Variants in LRBA observed in about 807,000 individuals in gnomAD.
LRBA encodes lipopolysaccharide-responsive and beige-like anchor protein.
A neutral mutation model predicts 330.0 loss-of-function variants in LRBA; 176 were observed. That is an observed-to-expected ratio of 0.53 (90% CI 0.47 to 0.60). LRBA has a LOEUF of 0.60. Ranked by LOEUF, LRBA falls within the 20% of genes least tolerant of loss-of-function variation. The pLI is 0.00. For synonymous variants in LRBA, 1,230 were observed against 1,193.0 expected (o/e 1.03, Z -0.64); for missense variants, 3,259 against 3,444.8 (o/e 0.95, Z 1.35).
intron 34 of LRBA, among the ~76,000 whole-genome samples, chr4:150,775,703 T>A (rs915499263): frequency 6.6e-6 from 1 of 150,868 alleles, no homozygotes; most frequent in South Asian, 2.1e-4. Flanking sequence ...TTCCAATGCG[T>A]TTTATGATTA....
chr4:150,785,100 G>T (rs1040027089), intron 34 of LRBA, among the ~76,000 whole-genome samples: 2 of 152,138 alleles, frequency 1.3e-5, no homozygotes, highest in Admixed American at 6.5e-5. Flanking sequence ...AAACCTGGGG[G>T]TTTGTTTTTC....
intron 37 of LRBA, among the ~76,000 whole-genome samples, chr4:150,629,602 G>C (rs1777179255): frequency 6.6e-6 from 1 of 151,754 alleles, no homozygotes; most frequent in African/African-American, 2.4e-5. Flanking sequence ...TCACACTACT[G>C]TACTACAGCC....
Position 150,583,554 on chromosome 4 carries a change from G to C in LRBA, c.6330+4494C>G. ...TGGTGCAAATCACTCCGGCGTTCAA[G>C]TGCACCGGGATCTGGCCTCGCAGCG... On this transcript the variant is annotated intron_variant, in intron 40 of 56. Transcript: ENST00000651943. The surrounding 1 kb of genome is among the most constrained non-coding windows in gnomAD (Gnocchi z 9.8). 2 of 1,613,880 alleles carry C rather than the reference G, an allele frequency of 1.2e-6. No homozygotes were observed. Among genetic ancestry groups the C allele is most frequent in the Admixed American group, 1.7e-5 (1 of 60,030 alleles).
chr4:150,275,413 A>C (rs1159081621), intron 56 of LRBA, among the ~76,000 whole-genome samples: 1 of 152,190 alleles, frequency 6.6e-6, no homozygotes, highest in Non-Finnish European at 1.5e-5. Context: ...TCAACATAGT[A>C]TTGGAAGTTC....
At chr4:150,454,186 C>T (rs563438372) in intron 44 of LRBA, among the ~76,000 whole-genome samples, 1 of 152,218 alleles carries the variant, frequency 6.6e-6, no homozygotes, top group South Asian at 2.1e-4. Context: ...GTCTTGATCT[C>T]CTGACCTCAT....
intron 40 of LRBA, among the ~76,000 whole-genome samples, chr4:150,573,629 T>C (rs1361851460): frequency 6.6e-6 from 1 of 152,176 alleles, no homozygotes; most frequent in African/African-American, 2.4e-5. Context: ...ATCCACAAGC[T>C]TAGACAAACA....
chr4:150,822,089 G>GA (rs149526416), intron 30 of LRBA, among the ~76,000 whole-genome samples: 11,813 of 149,612 alleles, frequency 0.079, 909 homozygotes, highest in African/African-American at 0.21. Flanking sequence ...CTCTAAATAA[G>GA]AAAAAAAAAG....
rs534712954 is a variant in LRBA at position 150,540,636 on chromosome 4, T to C, written c.6330+47412A>G. ...TTTATAATACATTCCTTAATAACAA[T>C]AGCAACTTATACTTTCTTAAAAGTG... On this transcript the variant is annotated intron_variant, in intron 40 of 56. Transcript: ENST00000651943. Among the ~76,000 whole-genome samples the C allele has an allele frequency of 5.3e-5, 8 of 152,334 alleles. No individual in the cohort carries two copies. In the South Asian group the frequency reaches 6.2e-4, roughly 12 times the overall value.
intron 48 of LRBA, among the ~76,000 whole-genome samples, chr4:150,343,015 AAC>A (rs1317596125): frequency 6.6e-6 from 1 of 151,878 alleles, no homozygotes; most frequent in African/African-American, 2.4e-5. Context: ...ACCTTAGAGA[AAC>A]AAGATTCTGA....
chr4:150,703,374 T>C (rs1785300012), intron 36 of LRBA, among the ~76,000 whole-genome samples: 1 of 152,218 alleles, frequency 6.6e-6, no homozygotes, highest in South Asian at 2.1e-4. Flanking sequence ...CTCAAATTTA[T>C]GTTAGCTGGA....
rs148321238 is a variant in LRBA, at chr4:150,882,911, T to C, written c.2165+10141A>G. ...AGCTAATGTTTAAATGATTTCATGG[T>C]AGAGAAAAATTTATATTAAATAACT... is the stretch of plus-strand genomic sequence containing the variant. On this transcript the variant is annotated intron_variant, in intron 17 of 56. Coordinates refer to ENST00000651943, the MANE Select transcript of LRBA (RefSeq NM_001364905.1). 8.3e-3 allele frequency among the ~76,000 whole-genome samples: 1,258 copies of C among 152,282 alleles called. 53 individuals carry two copies. The highest frequency in any genetic ancestry group is 0.066 in the Admixed American group (1,016 of 15,298).
At chr4:150,830,485 C>A (rs910659022) in intron 29 of LRBA, among the ~76,000 whole-genome samples, 2 of 152,180 alleles carry the variant, frequency 1.3e-5, no homozygotes, top group Non-Finnish European at 2.9e-5. Flanking sequence ...TCAGTCTCAG[C>A]TCTTGGAGCC....
At position 150,438,342 on chromosome 4, in the gene LRBA, G is replaced by A. The variant is rs571494405; in HGVS notation, c.6781-1478C>T. On this transcript the variant is annotated intron_variant, in intron 44 of 56. Transcript: ENST00000651943. ...ACAAAAAAATTTAAAAATCGGCTGC[G>A]CATAGTGGCATGTCCCTGTAATCCC... Among the ~76,000 whole-genome samples the A allele has an allele frequency of 8.5e-5, 13 of 152,080 alleles. No homozygotes were observed. In the East Asian group the frequency reaches 9.7e-4, roughly 11 times the overall value.
chr4:150,615,427 G>T (rs1435095027), intron 37 of LRBA, among the ~76,000 whole-genome samples: 1 of 151,948 alleles, frequency 6.6e-6, no homozygotes, highest in Admixed American at 6.6e-5. Flanking sequence ...CCAGGAGAGA[G>T]AGACGATGTC....
intron 36 of LRBA, among the ~76,000 whole-genome samples, chr4:150,689,783 G>A (rs987048174): frequency 5.3e-5 from 8 of 152,032 alleles, no homozygotes; most frequent in East Asian, 1.9e-4. Context: ...AAATTAGCCC[G>A]GTGTGGTGGC....
intron 47 of LRBA, among the ~76,000 whole-genome samples, chr4:150,401,878 T>C (rs1180196608): frequency 6.6e-6 from 1 of 151,506 alleles, no homozygotes; most frequent in Non-Finnish European, 1.5e-5. Flanking sequence ...TGTGAGTATA[T>C]ATACATATAC....
chr4:150,933,945 G>A (rs576772572), intron 2 of LRBA, among the ~76,000 whole-genome samples: 1 of 151,814 alleles, frequency 6.6e-6, no homozygotes, highest in Admixed American at 6.6e-5. Flanking sequence ...AATGGCTTGA[G>A]TCCGAAAGGC....
intron 28 of LRBA, among the ~76,000 whole-genome samples, chr4:150,839,165 A>G (rs908871829): frequency 3.8e-4 from 58 of 152,352 alleles, no homozygotes; most frequent in African/African-American, 1.3e-3. Context: ...CATCAGAGAA[A>G]TGCAAATCAA....
intron 35 of LRBA, among the ~76,000 whole-genome samples, chr4:150,740,183 G>A (rs1207240165): frequency 6.6e-6 from 1 of 152,044 alleles, no homozygotes; most frequent in Non-Finnish European, 1.5e-5. Context: ...CAAAATCTGT[G>A]GATTTAGATA....
Sources: gnomAD v4.1 joint callset for allele counts (sites outside exome capture counted in the v4.1 genomes callset) on GRCh38, gnomAD v4.1.1 for gene constraint, Gnocchi (gnomAD v3.1) non-coding constraint, MANE v1.5 for transcripts, NCBI Gene and HGNC (gene_info 2026-07-23, HGNC 2026-07-21) for gene names.